C20orf203: variants seen among roughly 807,000 people sequenced by gnomAD.
C20orf203 encodes uncharacterized protein C20orf203.
A neutral mutation model predicts 15.9 loss-of-function variants in C20orf203; 16 were observed. That is an observed-to-expected ratio of 1.01 (90% CI 0.68 to 1.53). C20orf203 has a LOEUF of 1.53. Ranked by LOEUF, C20orf203 falls within the 40% of genes most tolerant of loss-of-function variation. The pLI, the probability that C20orf203 is intolerant of heterozygous loss-of-function variation, is 0.00. For missense variants in C20orf203, 263 were observed against 247.5 expected (o/e 1.06, Z -0.42); for synonymous variants, 98 against 97.2 (o/e 1.01, Z -0.05).
intron 1 of C20orf203, among the ~76,000 whole-genome samples, chr20:32,671,063 C>G (rs1401128910): frequency 6.6e-6 from 1 of 150,918 alleles, no homozygotes; most frequent in Non-Finnish European, 1.5e-5. Context: ...AGAAGTTGAA[C>G]CCTTGTGCAT....
rs1174140400 is a variant in C20orf203, at chr20:32,650,790, G to A, written c.227C>T (p.Pro76Leu). The A allele has an allele frequency of 2.7e-6, 4 of 1,503,836 alleles. No homozygotes were observed. Among genetic ancestry groups the A allele is most frequent in the Non-Finnish European group, 3.6e-6 (4 of 1,124,392 alleles). The allele number at this position is 1,503,836 out of a possible 1,614,324, so 93.2% of individuals were successfully genotyped here. Reference sequence around the variant, plus strand: ...AGGCTGGCGCTGGTGGCTGGGCTGGGGGTGGACTCGCTGAGCCTTTGAGGT... The same window carrying A: ...AGGCTGGCGCTGGTGGCTGGGCTGGAGGTGGACTCGCTGAGCCTTTGAGGT... ...RRTSKAQRVH[P>L]QPSHQRQPPP... Residue 76 changes from proline to leucine, a missense_variant, in exon 4 of 6, where the codon CCC becomes CTC. Transcript: ENST00000608990.
chr20:32,639,630 A>T, intron 5 of C20orf203, among the ~76,000 whole-genome samples: 1 of 147,406 alleles, frequency 6.8e-6, no homozygotes, highest in Non-Finnish European at 1.5e-5. Flanking sequence ...TAAATAGTAA[A>T]AAAAAAAAAA....
intron 1 of C20orf203, among the ~76,000 whole-genome samples, chr20:32,665,998 T>C (rs1467445159): frequency 6.6e-6 from 1 of 151,842 alleles, no homozygotes; most frequent in African/African-American, 2.4e-5. Flanking sequence ...CCGGGTGTGC[T>C]GGCGCATGCC....
intron 1 of C20orf203, among the ~76,000 whole-genome samples, chr20:32,663,450 A>AT (rs1982944183): frequency 6.6e-6 from 1 of 152,206 alleles, no homozygotes; most frequent in African/African-American, 2.4e-5. Context: ...AGCCAGCTAC[A>AT]GAGTATGATT....
chr20:32,671,134 A>C (rs527580641), intron 1 of C20orf203, among the ~76,000 whole-genome samples: 1 of 152,372 alleles, frequency 6.6e-6, no homozygotes, highest in East Asian at 1.9e-4. Flanking sequence ...GTTTCTCAAA[A>C]AATTAAAAAT....
intron 5 of C20orf203, among the ~76,000 whole-genome samples, chr20:32,638,875 T>G (rs1052399236): frequency 1.3e-5 from 2 of 151,208 alleles, no homozygotes; most frequent in Non-Finnish European, 3.0e-5. Context: ...CTCCCGGCAA[T>G]GTCGGCCTGA....
At chr20:32,660,510 TGCC>T (rs1982866901) in intron 1 of C20orf203, among the ~76,000 whole-genome samples, 1 of 152,194 alleles carries the variant, frequency 6.6e-6, no homozygotes, top group Non-Finnish European at 1.5e-5. Flanking sequence ...GCCCATGACC[TGCC>T]AGGCACTGAC....
intron 1 of C20orf203, among the ~76,000 whole-genome samples, chr20:32,667,387 C>T (rs763943498): frequency 1.1e-4 from 16 of 152,196 alleles, no homozygotes; most frequent in Non-Finnish European, 7.3e-5. Context: ...CCTAGAGCTG[C>T]GTTGATGACA....
intron 2 of C20orf203, 71 bp from the exon 3 acceptor site, chr20:32,651,237 TG>T (rs1430340325): frequency 2.2e-6 from 1 of 452,024 alleles, no homozygotes; most frequent in Non-Finnish European, 3.9e-6. Context: ...CAGCTACTCA[TG>T]GGGTAGCTAC....
At chr20:32,656,679 T>G (rs574004216) in intron 1 of C20orf203, 3 of 151,644 alleles carry the variant, frequency 2.0e-5, no homozygotes, top group Admixed American at 1.3e-4. Flanking sequence ...CAGGGCAACA[T>G]GGTGAAACCC....
At chr20:32,665,909 C>T (rs913403166) in intron 1 of C20orf203, among the ~76,000 whole-genome samples, 9 of 152,060 alleles carry the variant, frequency 5.9e-5, no homozygotes, top group Admixed American at 4.6e-4. Flanking sequence ...GCACTCCAGC[C>T]TGGGTGACAG....
Position 32,634,223 on chromosome 20 carries a change from T to C in C20orf203, c.*1347A>G, listed in dbSNP as rs779458671. ...AGTTCAGGGGTTGGGGGGAGGTTCC[T>C]AGCCTGGGGGCTCTGGAAAAGCTTC... On this transcript the variant is annotated 3_prime_UTR_variant, in exon 6 of 6. Transcript: ENST00000608990. 1.0e-5 allele frequency: 4 copies of C among 398,450 alleles called. No homozygotes were observed. The highest frequency in any genetic ancestry group is 2.1e-5 in the African/African-American group (1 of 48,602). The allele number at this position is 398,450 out of a possible 1,614,324, so 24.7% of individuals were successfully genotyped here. A position where few individuals can be genotyped will look rare whatever the true frequency, so the allele number is the denominator to read the frequency against.
chr20:32,635,375 T>A (rs917494986), intron 5 of C20orf203, among the ~76,000 whole-genome samples: 18 of 152,120 alleles, frequency 1.2e-4, no homozygotes, highest in African/African-American at 4.1e-4. Flanking sequence ...GGCACATGCC[T>A]GTAATCCCAG....
intron 1 of C20orf203, among the ~76,000 whole-genome samples, chr20:32,670,818 C>T (rs893342911): frequency 2.0e-5 from 3 of 151,402 alleles, no homozygotes; most frequent in Non-Finnish European, 2.9e-5. Context: ...GGCGAGACTC[C>T]GTCTCAAAAA....
intron 1 of C20orf203, among the ~76,000 whole-genome samples, chr20:32,671,030 C>T (rs1190880752): frequency 2.2e-5 from 3 of 135,352 alleles, no homozygotes; most frequent in African/African-American, 8.0e-5. Flanking sequence ...AAAAAAAAAA[C>T]AACAGTGTTG....
At chr20:32,646,420 G>T (rs1330977041) in intron 4 of C20orf203, among the ~76,000 whole-genome samples, 1 of 152,098 alleles carries the variant, frequency 6.6e-6, no homozygotes, top group Admixed American at 6.6e-5. Flanking sequence ...TGCCCAGGCT[G>T]GTCTCGAACT....
chr20:32,664,554 G>A (rs1249168241), intron 1 of C20orf203, among the ~76,000 whole-genome samples: 1 of 152,224 alleles, frequency 6.6e-6, no homozygotes, highest in African/African-American at 2.4e-5. Flanking sequence ...GCTTGAGGTC[G>A]ATGGAAACCC....
intron 4 of C20orf203, among the ~76,000 whole-genome samples, chr20:32,644,777 T>C (rs1982377495): frequency 6.6e-6 from 1 of 152,100 alleles, no homozygotes; most frequent in Non-Finnish European, 1.5e-5. Context: ...GAAAATGAGC[T>C]TGATCAGCTA....
intron 1 of C20orf203, among the ~76,000 whole-genome samples, chr20:32,672,882 T>G (rs1485654328): frequency 2.6e-5 from 4 of 152,164 alleles, no homozygotes; most frequent in Non-Finnish European, 5.9e-5. Context: ...TCCTACTCCC[T>G]GTGCCCCTGC....
Sources: gnomAD v4.1 joint callset for allele counts (sites outside exome capture counted in the v4.1 genomes callset) on GRCh38, gnomAD v4.1.1 for gene constraint, MANE v1.5 for transcripts, NCBI Gene and HGNC (gene_info 2026-07-23, HGNC 2026-07-21) for gene names.